DCAF13: variants seen among roughly 807,000 people sequenced by gnomAD.
DCAF13 encodes the protein DDB1- and CUL4-associated factor 13.
In DCAF13, 38 loss-of-function variants were observed where a neutral mutation model predicts 59.0. That is an observed-to-expected ratio of 0.64 (90% CI 0.50 to 0.84). The LOEUF is 0.84. DCAF13 is among the 40% of genes least tolerant of loss of function. The pLI, the probability that DCAF13 is intolerant of heterozygous loss-of-function variation, is 0.00. For missense variants in DCAF13, 469 were observed against 558.4 expected (o/e 0.84, Z 1.61); for synonymous variants, 173 against 175.0 (o/e 0.99, Z 0.09).
chr8:103,416,780 GT>G (rs1448960994), intron 1 of DCAF13, among the ~76,000 whole-genome samples: 31 of 152,294 alleles, frequency 2.0e-4, no homozygotes, highest in African/African-American at 6.0e-4. Flanking sequence ...CTAGCACATA[GT>G]TGCTTTAATA....
chr8:103,432,923 G>A (rs1386445736), intron 7 of DCAF13, among the ~76,000 whole-genome samples, 182 bp downstream of exon 7: 3 of 152,064 alleles, frequency 2.0e-5, no homozygotes, highest in Admixed American at 6.6e-5. Flanking sequence ...TATTTATTTC[G>A]TCAGTATTTA....
At chr8:103,429,673 A>G (rs1659927761) in intron 5 of DCAF13, 1 of 149,142 alleles carries the variant, frequency 6.7e-6, no homozygotes, top group African/African-American at 2.5e-5. Flanking sequence ...GACAGGCCTA[A>G]TTTATAGAGA....
chr8:103,416,609 C>T (rs1816617306), intron 1 of DCAF13, among the ~76,000 whole-genome samples: 1 of 152,206 alleles, frequency 6.6e-6, no homozygotes, highest in East Asian at 1.9e-4. Context: ...CCTGCATGAG[C>T]CCCGCCCCCT....
intron 3 of DCAF13, among the ~76,000 whole-genome samples, chr8:103,422,410 T>C (rs183280114): frequency 8.5e-5 from 13 of 152,068 alleles, no homozygotes; most frequent in African/African-American, 3.1e-4. Flanking sequence ...AATATAGAAA[T>C]ACAAAGATGT....
rs746483356 is a variant in DCAF13, at chr8:103,415,471, A to C, written c.25A>C (p.Asn9His). 1 of 1,613,780 alleles carries C rather than the reference A, an allele frequency of 6.2e-7. No homozygotes were observed. Among genetic ancestry groups the C allele is most frequent in the Non-Finnish European group, 8.5e-7 (1 of 1,179,770 alleles). The change falls in exon 1 of 11, where the codon AAT becomes CAT. Residue 9 changes from asparagine (N) to histidine (H), a missense_variant. By Grantham distance (68) the Asn-to-His change is moderately conservative. This residue lies in a region of DCAF13 where 355 missense variants were observed against 399.1 expected (regional missense o/e 0.89). Transcript: ENST00000612750. ...GATGAAGGTGAAGATGCTGAGCCGG[A>C]ATCCGGACAATTATGTCCGCGAAAC... MKVKMLSRNPDNYVRETKL... is the reference protein window; with the variant it reads MKVKMLSRHPDNYVRETKL...
At chr8:103,421,232 TA>T in intron 3 of DCAF13, 150 bp downstream of exon 3, 1 of 691,548 alleles carries the variant, frequency 1.4e-6, no homozygotes. Context: ...TGAAAATTAC[TA>T]GTTTTCTTTA....
chr8:103,418,877 T>A lies in DCAF13; in HGVS notation c.71-1387T>A, dbSNP rs1345322247. 5.8e-3 allele frequency among the ~76,000 whole-genome samples: 276 copies of A among 47,834 alleles called. 8 individuals carry two copies. Among genetic ancestry groups the A allele is most frequent in the African/African-American group, 0.019 (263 of 13,748 alleles). The allele number at this position is 47,834 out of a possible 152,430, so 31.4% of individuals were successfully genotyped here. A position where few individuals can be genotyped will look rare whatever the true frequency, so the allele number is the denominator to read the frequency against. On this transcript the variant is annotated intron_variant, in intron 1 of 10. Transcript: ENST00000612750. ...ATATATATATATATATTTTTTTTTT[T>A]TTTTTTTTTTTTTTTTTTTTTTTTG...
rs150274744 is a variant in DCAF13, at chr8:103,439,329, T to G, written c.951-807T>G. Among the ~76,000 whole-genome samples the G allele has an allele frequency of 4.6e-3, 697 of 151,852 alleles. 11 individuals carry two copies. Among genetic ancestry groups the G allele is most frequent in the African/African-American group, 0.014 (591 of 41,394 alleles). Reference sequence around the variant, plus strand: ...CTTACCTCAACTTATCAGACACTTCTGTAGTCCTCCCTTCCTTTTCACACA... The same window carrying G: ...CTTACCTCAACTTATCAGACACTTCGGTAGTCCTCCCTTCCTTTTCACACA... On this transcript the variant is annotated intron_variant, in intron 8 of 10. Transcript: ENST00000612750.
intron 8 of DCAF13, among the ~76,000 whole-genome samples, 187 bp downstream of exon 8, chr8:103,435,977 C>T (rs1816926858): frequency 6.6e-6 from 1 of 152,136 alleles, no homozygotes; most frequent in Non-Finnish European, 1.5e-5. Flanking sequence ...CCTGTTGCTT[C>T]TAGACTACGA....
At position 103,430,620 on chromosome 8, in the gene DCAF13, C is replaced by A; in HGVS notation, c.633C>A (p.Leu211=). ...GTTATACTTGTTTTTAGACATTTCT[C>A]TTGGGAAGTTGTGCATCTGACAGGA... ...SVKFNPIETF[L]LGSCASDRNI... Residue 211 remains leucine, a synonymous_variant, in exon 6 of 11, where the codon CTC becomes CTA. Coordinates refer to ENST00000612750, the MANE Select transcript of DCAF13 (RefSeq NM_015420.7). 1.2e-6 allele frequency: 2 copies of A among 1,610,810 alleles called. No individual in the cohort carries two copies. The highest frequency in any genetic ancestry group is 2.2e-5 in the South Asian group (2 of 90,536).
chr8:103,427,175 G>C lies in DCAF13; in HGVS notation c.547G>C (p.Glu183Gln). The part of the protein sequence containing the change: ...TCGQQVDIWD[E>Q]QRTNPICSMT... ...TGGACAGCAAGTAGACATTTGGGATGAACAAAGAACTAATCCTATATGTTC... is the reference window on the plus strand; with the variant it reads ...TGGACAGCAAGTAGACATTTGGGATCAACAAAGAACTAATCCTATATGTTC... Residue 183 changes from glutamate to glutamine, a missense_variant, in exon 5 of 11, where the codon GAA (glutamate) becomes CAA (glutamine). Physicochemically the swap from Glu to Gln is conservative, Grantham distance 29. Transcript: ENST00000612750. 6.2e-7 allele frequency: 1 copy of C among 1,613,462 alleles called. No homozygotes were observed.
chr8:103,428,958 GGTGT>G (rs968092511), intron 5 of DCAF13: 1 of 151,838 alleles, frequency 6.6e-6, no homozygotes. Flanking sequence ...AAAAGTAAAT[GGTGT>G]GTGTGTCTCT....
At position 103,442,938 on chromosome 8, in the gene DCAF13, T is replaced by C; in HGVS notation, c.*56T>C. The C allele has an allele frequency of 7.9e-7, 1 of 1,267,322 alleles. No homozygotes were observed. Among genetic ancestry groups the C allele is most frequent in the East Asian group, 2.5e-5 (1 of 39,924 alleles). 78.5% of individuals were successfully genotyped at this position (1,267,322 alleles called of 1,614,324 possible). A position where few individuals can be genotyped will look rare whatever the true frequency, so the allele number is the denominator to read the frequency against. On this transcript the variant is annotated 3_prime_UTR_variant, in exon 11 of 11. Coordinates refer to ENST00000612750, the MANE Select transcript of DCAF13 (RefSeq NM_015420.7). Reference sequence around the variant, plus strand: ...TATTTGTTACTTTTGATTTGAGAACTCTACAAATAAAAGTGCTGGGACTAG... The same window carrying C: ...TATTTGTTACTTTTGATTTGAGAACCCTACAAATAAAAGTGCTGGGACTAG...
chr8:103,431,226 A>T lies in DCAF13; in HGVS notation c.702+537A>T, dbSNP rs192825533. 2.6e-5 allele frequency among the ~76,000 whole-genome samples: 4 copies of T among 152,328 alleles called. No individual in the cohort carries two copies. In the East Asian group the frequency reaches 5.8e-4, roughly 22 times the overall value. On this transcript the variant is annotated intron_variant, in intron 6 of 10. Coordinates refer to ENST00000612750, the MANE Select transcript of DCAF13 (RefSeq NM_015420.7). ...CTAAAGTAGTAATTTCAGGACTTAC[A>T]TATCAGAGCTAATAATACAACTTAA...
chr8:103,440,085 C>CAAAAG (rs1554570504), intron 8 of DCAF13, 51 bp from the exon 9 acceptor site: 5 of 1,455,124 alleles, frequency 3.4e-6, no homozygotes, highest in Non-Finnish European at 4.6e-6. Flanking sequence ...AGTGGTTACT[C>CAAAAG]AAAATCTGTA....
At chr8:103,425,953 A>G (rs1190928864) in intron 3 of DCAF13, 103 bp from the exon 4 acceptor site, 2 of 766,052 alleles carry the variant, frequency 2.6e-6, no homozygotes, top group Non-Finnish European at 4.7e-6. Context: ...ATGATATGGT[A>G]TGTTACCTGT....
In DCAF13 at chr8:103,440,205, T is replaced by C. The variant is rs1182272562; in HGVS notation, c.1020T>C (p.Ile340=). The C allele has an allele frequency of 1.6e-5, 26 of 1,605,934 alleles. No homozygotes were observed. Among genetic ancestry groups the C allele is most frequent in the Non-Finnish European group, 2.2e-5 (26 of 1,176,800 alleles). Residue 340 remains isoleucine, a synonymous_variant, in exon 9 of 11, where the codon ATT becomes ATC. Coordinates refer to ENST00000612750, the MANE Select transcript of DCAF13 (RefSeq NM_015420.7). ...CVKWTSDSKY[I]MCGSDEMNIR... The stretch of plus-strand genomic sequence containing the variant: ...AATGGACTTCTGACAGCAAGTATAT[T>C]ATGTGTGGATCTGATGAAATGAACA...
At chr8:103,425,915 T>G in intron 3 of DCAF13, 141 bp from the exon 4 acceptor site, 5 of 621,772 alleles carry the variant, frequency 8.0e-6, no homozygotes, top group Non-Finnish European at 1.5e-5. Context: ...AGGTGGGATA[T>G]AAATGGATCA....
At chr8:103,422,009 A>C (rs552655539) in intron 3 of DCAF13, among the ~76,000 whole-genome samples, 1 of 152,350 alleles carries the variant, frequency 6.6e-6, no homozygotes, top group South Asian at 2.1e-4. Flanking sequence ...CTTTGAGTTA[A>C]GTAATTTGAC....
Sources: gnomAD v4.1 joint callset for allele counts (sites outside exome capture counted in the v4.1 genomes callset) on GRCh38, gnomAD v4.1.1 for gene constraint, gnomAD v4.1.1 regional missense constraint, MANE v1.5 for transcripts, NCBI Gene and HGNC (gene_info 2026-07-23, HGNC 2026-07-21) for gene names.